SLC1A7: variants seen among roughly 807,000 people sequenced by gnomAD.
The protein encoded by SLC1A7 is solute carrier family 1 member 7, also known as excitatory amino acid transporter 5.
A neutral mutation model predicts 47.7 loss-of-function variants in SLC1A7; 40 were observed. That is an observed-to-expected ratio of 0.84 (90% CI 0.65 to 1.09). The LOEUF (loss-of-function observed/expected upper bound fraction) is 1.09. SLC1A7 is among the 50% of genes least tolerant of loss of function. The pLI is 0.00. For missense variants in SLC1A7, 746 were observed against 769.5 expected (o/e 0.97, Z 0.36); for synonymous variants, 323 against 325.6 (o/e 0.99, Z 0.09).
chr1:53,124,285 CACACAA>C (rs1436767224), intron 2 of SLC1A7, among the ~76,000 whole-genome samples: 2 of 145,108 alleles, frequency 1.4e-5, no homozygotes, highest in Non-Finnish European at 3.0e-5. Flanking sequence ...CACACACACA[CACACAA>C]CACAGCTTCA....
At chr1:53,125,198 CGTTCCTA>C (rs1644869240) in intron 2 of SLC1A7, among the ~76,000 whole-genome samples, 2 of 152,206 alleles carry the variant, frequency 1.3e-5, no homozygotes, top group East Asian at 3.9e-4. Flanking sequence ...CCAGATGATT[CGTTCCTA>C]TACTAATGTA....
chr1:53,131,592 G>A (rs1444940373), intron 2 of SLC1A7, among the ~76,000 whole-genome samples: 1 of 152,242 alleles, frequency 6.6e-6, no homozygotes, highest in African/African-American at 2.4e-5. Context: ...AACACCACAG[G>A]ACAGTCTCTC....
intron 4 of SLC1A7, among the ~76,000 whole-genome samples, chr1:53,104,189 G>A (rs535488285): frequency 6.6e-6 from 1 of 152,286 alleles, no homozygotes; most frequent in East Asian, 1.9e-4. Context: ...AACCACTCAG[G>A]AAACATATGA....
At chr1:53,099,875 C>T (rs1354601226) in intron 5 of SLC1A7, among the ~76,000 whole-genome samples, 1 of 150,758 alleles carries the variant, frequency 6.6e-6, no homozygotes, top group Non-Finnish European at 1.5e-5. Flanking sequence ...GGTACACTCG[C>T]ATTGCCTTGG....
Position 53,092,816 on chromosome 1 carries a change from G to A in SLC1A7, c.798-29C>T, listed in dbSNP as rs1457281322. On this transcript the variant is annotated intron_variant, in intron 6 of 10. Coordinates refer to ENST00000371494, the MANE Select transcript of SLC1A7 (RefSeq NM_006671.6). ...GGGGCGGCGGGGCAGCCAGGCTCAG[G>A]AACCAGGCAGGCAGACACACCCCGG... 4 of 1,472,214 alleles carry A rather than the reference G, an allele frequency of 2.7e-6. No homozygotes were observed. In the Admixed American group the frequency reaches 5.0e-5, roughly 18 times the overall value. The allele number at this position is 1,472,214 out of a possible 1,614,324, so 91.2% of individuals were successfully genotyped here. A position where few individuals can be genotyped will look rare whatever the true frequency, so the allele number is the denominator to read the frequency against.
At chr1:53,134,494 C>T in intron 1 of SLC1A7, 65 bp from the exon 2 acceptor site, 2 of 1,088,284 alleles carry the variant, frequency 1.8e-6, no homozygotes, top group Non-Finnish European at 2.8e-6. Flanking sequence ...TTCCGTTCTT[C>T]ACAGTCTTTG....
Position 53,095,396 on chromosome 1 carries a change from CCACACCCTGCCTTGGTACACTCA to C in SLC1A7, c.698-1859_698-1837del, listed in dbSNP as rs1272076694. ...TAAAGGCATGAGCATACACAGTAAG[CCACACCCTGCCTTGGTACACTCA>C]CACACCCTGCCTTGGTACACTCACA... On this transcript the variant is annotated intron_variant, in intron 5 of 10. Transcript: ENST00000371494. Among the ~76,000 whole-genome samples the C allele has an allele frequency of 4.6e-4, 70 of 152,072 alleles. 1 individual carries two copies. Among genetic ancestry groups the C allele is most frequent in the South Asian group, 3.1e-3 (15 of 4,820 alleles).
chr1:53,118,363 C>T (rs1417775858), intron 2 of SLC1A7: 13 of 152,174 alleles, frequency 8.5e-5, no homozygotes, highest in Admixed American at 6.5e-4. Context: ...TGTTTTGTTT[C>T]GAATAGTCCT....
intron 1 of SLC1A7, among the ~76,000 whole-genome samples, chr1:53,136,706 A>G (rs1215078730): frequency 2.2e-5 from 3 of 133,912 alleles, no homozygotes; most frequent in African/African-American, 8.6e-5. Flanking sequence ...TCATTCTGTT[A>G]CCCAGGCAGG....
intron 2 of SLC1A7, among the ~76,000 whole-genome samples, chr1:53,132,982 T>G (rs371295156): frequency 7.9e-5 from 12 of 152,156 alleles, no homozygotes; most frequent in African/African-American, 2.9e-4. Context: ...GTAGGTGGTA[T>G]GTTAAAGCTA....
intron 2 of SLC1A7, among the ~76,000 whole-genome samples, chr1:53,126,806 T>C (rs951354654): frequency 8.5e-5 from 13 of 152,170 alleles, no homozygotes; most frequent in African/African-American, 2.4e-5. Context: ...GAATTAGCAA[T>C]GTGGAGTGAG....
chr1:53,127,541 C>A (rs1307867225), intron 2 of SLC1A7, among the ~76,000 whole-genome samples: 1 of 152,106 alleles, frequency 6.6e-6, no homozygotes, highest in Non-Finnish European at 1.5e-5. Context: ...CCCCGATGAC[C>A]CAAGCCCTGG....
At chr1:53,105,677 T>TGCCCTCCTGCCTGCTGCCC in intron 4 of SLC1A7, 55 bp downstream of exon 4, 1 of 1,356,542 alleles carries the variant, frequency 7.4e-7, no homozygotes, top group Non-Finnish European at 1.1e-6. Context: ...CCCTGCTGCC[T>TGCCCTCCTGCCTGCTGCCC]GCCCTCCTGC....
At chr1:53,141,047 T>C (rs568684081) in intron 1 of SLC1A7, among the ~76,000 whole-genome samples, 7 of 152,330 alleles carry the variant, frequency 4.6e-5, no homozygotes, top group Non-Finnish European at 5.9e-5. Flanking sequence ...CAGGAGCCCA[T>C]TGACAAAGCC....
At chr1:53,135,345 A>G (rs770977334) in intron 1 of SLC1A7, among the ~76,000 whole-genome samples, 6 of 152,206 alleles carry the variant, frequency 3.9e-5, no homozygotes, top group Non-Finnish European at 5.9e-5. Context: ...CCCACTCCTA[A>G]GCAGACCATG....
chr1:53,098,838 G>T (rs115511131), intron 5 of SLC1A7, among the ~76,000 whole-genome samples: 1 of 145,424 alleles, frequency 6.9e-6, no homozygotes, highest in Admixed American at 6.8e-5. Context: ...CACTCACACC[G>T]CCTTGGTACA....
chr1:53,127,516 C>G (rs1259142827), intron 2 of SLC1A7, among the ~76,000 whole-genome samples: 2 of 152,200 alleles, frequency 1.3e-5, no homozygotes, highest in East Asian at 3.8e-4. Flanking sequence ...AGGAGGTGGA[C>G]AGGCCCTCAG....
chr1:53,113,844 C>T (rs973053485), intron 3 of SLC1A7, among the ~76,000 whole-genome samples: 1 of 152,176 alleles, frequency 6.6e-6, no homozygotes, highest in African/African-American at 2.4e-5. Context: ...TGCTGTGTCA[C>T]ACTGATGGTG....
intron 2 of SLC1A7, among the ~76,000 whole-genome samples, chr1:53,121,922 G>A (rs551552178): frequency 6.6e-6 from 1 of 152,192 alleles, no homozygotes; most frequent in African/African-American, 2.4e-5. Context: ...TTGACTCATT[G>A]AGAAAGGGAC....
Sources: gnomAD v4.1 joint callset for allele counts (sites outside exome capture counted in the v4.1 genomes callset) on GRCh38, gnomAD v4.1.1 for gene constraint, MANE v1.5 for transcripts, NCBI Gene and HGNC (gene_info 2026-07-23, HGNC 2026-07-21) for gene names.